ACAP2: variants seen among roughly 807,000 people sequenced by gnomAD.
ACAP2 encodes ArfGAP with coiled-coil, ankyrin repeat and PH domains 2, also known as arf-GAP with coiled-coil, ANK repeat and PH domain-containing protein 2.
ACAP2 carries 39 observed loss-of-function variants against 115.8 expected under a neutral mutation model. The observed-to-expected ratio is 0.34, with a 90% confidence interval of 0.26 to 0.44. The LOEUF (loss-of-function observed/expected upper bound fraction) is 0.44, where lower values mean the gene tolerates loss of function less well. ACAP2 is among the 20% of genes least tolerant of loss of function. The pLI is 1.00. For synonymous variants in ACAP2, 289 were observed against 315.8 expected (o/e 0.92, Z 0.90); for missense variants, 662 against 927.6 (o/e 0.71, Z 3.72).
At chr3:195,394,829 G>A (rs1272962540) in intron 1 of ACAP2, among the ~76,000 whole-genome samples, 2 of 152,064 alleles carry the variant, frequency 1.3e-5, no homozygotes, top group Non-Finnish European at 2.9e-5. Flanking sequence ...CCGGAGGATT[G>A]CTTTATTTAA....
At chr3:195,333,181 A>C in intron 7 of ACAP2, 58 bp from the exon 8 acceptor site, 1 of 786,126 alleles carries the variant, frequency 1.3e-6, no homozygotes, top group Non-Finnish European at 1.9e-6. Context: ...ACATTCTGAA[A>C]TATTACATAT....
At position 195,392,157 on chromosome 3, in the gene ACAP2, T is replaced by C; in HGVS notation, c.54-10A>G. The C allele has an allele frequency of 6.2e-7, 1 of 1,605,714 alleles. No homozygotes were observed. Among genetic ancestry groups the C allele is most frequent in the Non-Finnish European group, 8.5e-7 (1 of 1,174,082 alleles). ...TTCTTCCAAAGCTGCCCTAGAAAAATTAAATATAAAATAAGTTATTTCGTT... is the reference window on the plus strand; with the variant it reads ...TTCTTCCAAAGCTGCCCTAGAAAAACTAAATATAAAATAAGTTATTTCGTT... On this transcript the variant is annotated splice_polypyrimidine_tract_variant and intron_variant, in intron 1 of 22. Coordinates refer to ENST00000326793, the MANE Select transcript of ACAP2 (RefSeq NM_012287.6).
chr3:195,413,370 G>A (rs1335703536), intron 1 of ACAP2, among the ~76,000 whole-genome samples: 7 of 152,066 alleles, frequency 4.6e-5, no homozygotes, highest in African/African-American at 1.4e-4. Flanking sequence ...AAAATTATAT[G>A]TATATTTCTG....
intron 4 of ACAP2, among the ~76,000 whole-genome samples, chr3:195,360,127 A>C (rs1311821401): frequency 6.6e-6 from 1 of 152,218 alleles, no homozygotes. Flanking sequence ...TCTGTTGCTT[A>C]CAAGAGACAC....
chr3:195,319,283 G>C (rs563370781), intron 10 of ACAP2, among the ~76,000 whole-genome samples: 1 of 152,362 alleles, frequency 6.6e-6, no homozygotes, highest in Admixed American at 6.5e-5. Flanking sequence ...CAGTGCAGAA[G>C]GGAATATGGG....
chr3:195,327,001 T>C, intron 8 of ACAP2, 42 bp from the exon 9 acceptor site: 1 of 1,535,992 alleles, frequency 6.5e-7, no homozygotes, highest in Non-Finnish European at 9.0e-7. Flanking sequence ...TTAAAAAAAG[T>C]ATGGATTAGT....
chr3:195,317,447 T>C (rs1729169768), intron 10 of ACAP2, among the ~76,000 whole-genome samples: 2 of 152,228 alleles, frequency 1.3e-5, no homozygotes, highest in South Asian at 4.1e-4. Context: ...TCAACCAGAA[T>C]CCAACTACTA....
At chr3:195,442,527 G>A (rs1025648055) in intron 1 of ACAP2, among the ~76,000 whole-genome samples, 1 of 152,214 alleles carries the variant, frequency 6.6e-6, no homozygotes, top group Non-Finnish European at 1.5e-5. Context: ...GCGGGAGAGG[G>A]TGCGCCGGCC....
At chr3:195,424,921 A>AT (rs1714550726) in intron 1 of ACAP2, among the ~76,000 whole-genome samples, 1 of 75,662 alleles carries the variant, frequency 1.3e-5, no homozygotes, top group African/African-American at 5.1e-5. Flanking sequence ...GTCTTAAAAA[A>AT]AAAAAAAAAA....
At chr3:195,398,637 C>CTAAATAAATAAATAAA (rs55788907) in intron 1 of ACAP2, among the ~76,000 whole-genome samples, 194 of 142,840 alleles carry the variant, frequency 1.4e-3, no homozygotes, top group East Asian at 4.6e-3. Context: ...AACTCCAACT[C>CTAAATAAATAAATAAA]TAAATAAATA....
chr3:195,407,364 A>T (rs1462213628), intron 1 of ACAP2, among the ~76,000 whole-genome samples: 1 of 151,982 alleles, frequency 6.6e-6, no homozygotes, highest in East Asian at 1.9e-4. Context: ...TTTTAAATTA[A>T]AAAAAGGAAA....
chr3:195,409,659 T>C (rs1713086483), intron 1 of ACAP2, among the ~76,000 whole-genome samples: 1 of 151,922 alleles, frequency 6.6e-6, no homozygotes, highest in African/African-American at 2.4e-5. Context: ...GAGGATCACT[T>C]GAGGTCAGGA....
Position 195,420,426 on chromosome 3 carries a change from G to A in ACAP2, c.53+22369C>T, listed in dbSNP as rs1277587065. Among the ~76,000 whole-genome samples the A allele has an allele frequency of 3.3e-5, 5 of 152,168 alleles. No individual in the cohort carries two copies. The South Asian group carries it at 8.3e-4, about 25-fold the overall frequency. ...TGCAGTGGCGCAATCTCGGCTCACT[G>A]CAAGCTCCGCCTCCCGGGTTCACGC... is the stretch of plus-strand genomic sequence containing the variant. On this transcript the variant is annotated intron_variant, in intron 1 of 22. Transcript: ENST00000326793.
At chr3:195,337,032 A>G in intron 6 of ACAP2, 56 bp from the exon 7 acceptor site, 1 of 1,448,122 alleles carries the variant, frequency 6.9e-7, no homozygotes. Context: ...GCTAATCCAT[A>G]ATGCAATATT....
chr3:195,369,851 T>C (rs1001296803), intron 4 of ACAP2, among the ~76,000 whole-genome samples: 2 of 152,198 alleles, frequency 1.3e-5, no homozygotes, highest in Non-Finnish European at 2.9e-5. Flanking sequence ...TCCACAATGG[T>C]TGAACCAATT....
At chr3:195,442,552 C>T (rs1016500525) in intron 1 of ACAP2, among the ~76,000 whole-genome samples, 8 of 152,222 alleles carry the variant, frequency 5.3e-5, no homozygotes, top group Non-Finnish European at 1.0e-4. Context: ...GGGCGCTCCG[C>T]CCCGGCAGAG....
intron 1 of ACAP2, chr3:195,419,568 A>G (rs1335434026): frequency 6.6e-6 from 1 of 152,150 alleles, no homozygotes; most frequent in Non-Finnish European, 1.5e-5. Context: ...TAATATTTTT[A>G]TATAGTAAAA....
intron 4 of ACAP2, among the ~76,000 whole-genome samples, chr3:195,367,052 C>CA (rs35590029): frequency 0.085 from 6,463 of 76,036 alleles, 329 homozygotes; most frequent in African/African-American, 0.13. Flanking sequence ...CCAACCCCGC[C>CA]AAAAAAAAAA....
intron 1 of ACAP2, among the ~76,000 whole-genome samples, chr3:195,437,980 G>C (rs1284258577): frequency 7.2e-6 from 1 of 137,990 alleles, no homozygotes. Context: ...ACCTCACAAA[G>C]TGCTGGGATT....
Sources: allele counts gnomAD v4.1 joint callset (sites outside exome capture counted in the v4.1 genomes callset), GRCh38; gene constraint gnomAD v4.1.1; transcripts MANE v1.5; gene names NCBI Gene and HGNC (gene_info 2026-07-23, HGNC 2026-07-21).